TRIM67: variants seen among roughly 807,000 people sequenced by gnomAD.
The protein encoded by TRIM67 is tripartite motif containing 67, also known as tripartite motif-containing protein 67.
TRIM67 carries 39 observed loss-of-function variants against 71.0 expected under a neutral mutation model. The ratio of observed to expected loss-of-function variants is 0.55; its 90% CI spans 0.43 to 0.72. The LOEUF (loss-of-function observed/expected upper bound fraction) is 0.72, where lower values mean the gene tolerates loss of function less well. TRIM67 is among the 30% of genes least tolerant of loss of function. The pLI is 0.00. For synonymous variants in TRIM67, 481 were observed against 473.9 expected, an observed-to-expected ratio of 1.01 and a Z score of -0.19; for missense variants, 973 against 1,079.2, an observed-to-expected ratio of 0.90 and a Z score of 1.38.
At position 231,219,587 on chromosome 1, in the gene TRIM67, C is replaced by A. The variant is rs1216307883; in HGVS notation, c.*4147C>A. The A allele has an allele frequency of 8.9e-7, 1 of 1,126,796 alleles. No individual in the cohort carries two copies. Among genetic ancestry groups the A allele is most frequent in the African/African-American group, 1.7e-5 (1 of 60,456 alleles). 69.8% of individuals were successfully genotyped at this position (1,126,796 alleles called of 1,614,324 possible). On this transcript the variant is annotated 3_prime_UTR_variant, in exon 10 of 10. Coordinates refer to ENST00000366653, the MANE Select transcript of TRIM67 (RefSeq NM_001004342.5). The stretch of plus-strand genomic sequence containing the variant: ...TTGAATTTTCACTCACTGAAGATGC[C>A]CCCTGCCCGCTCCCCACTTCCTAGA...
chr1:231,198,802 A>G (rs1338734526), intron 2 of TRIM67, among the ~76,000 whole-genome samples: 4 of 152,188 alleles, frequency 2.6e-5, no homozygotes, highest in Admixed American at 1.3e-4. Flanking sequence ...GCATTTTCTC[A>G]TGGCATTAAA....
At chr1:231,186,972 A>T (rs1683097175) in intron 1 of TRIM67, among the ~76,000 whole-genome samples, 1 of 152,094 alleles carries the variant, frequency 6.6e-6, no homozygotes, top group Non-Finnish European at 1.5e-5. Context: ...ACATCCCACG[A>T]CATCCACGGC....
rs369760003 is a variant in TRIM67 at position 231,209,074 on chromosome 1, C to T, written c.1947C>T (p.Gly649=). The change falls in exon 8 of 10, where the codon GGC becomes GGT. Residue 649 remains glycine (G), a synonymous_variant. Transcript: ENST00000366653. The surrounding 1 kb of genome is among the most constrained non-coding windows in gnomAD (Gnocchi z 4.1). ...TGGGCACAGCTGCGTTCTCCAAGGG[C>T]GTGCACTACTGGGAGCTGCACGTGG... ...VVLGTAAFSK[G]VHYWELHVDR... 179 of 1,613,976 alleles carry T rather than the reference C, an allele frequency of 1.1e-4. 6 individuals carry two copies. The East Asian group carries it at 1.2e-3, about 11-fold the overall frequency.
At position 231,215,375 on chromosome 1, in the gene TRIM67, G is replaced by A; in HGVS notation, c.2287G>A (p.Val763Ile). 1.2e-6 allele frequency: 2 copies of A among 1,612,510 alleles called. No individual in the cohort carries two copies. The highest frequency in any genetic ancestry group is 1.7e-5 in the Admixed American group (1 of 59,920). The change falls in exon 10 of 10, where the codon GTC becomes ATC. Residue 763 changes from valine (V) to isoleucine (I), a missense_variant and splice_region_variant. Physicochemically the swap from Val to Ile is conservative, Grantham distance 29 (BLOSUM62 3). Coordinates refer to ENST00000366653, the MANE Select transcript of TRIM67 (RefSeq NM_001004342.5). ...PALSLNRNVQ[V>I]TLHTGLEVPT... ...TCACTTGCCCTGTCTTCTTTTCCAG[G>A]TCACCCTGCACACAGGATTGGAAGT...
intron 1 of TRIM67, among the ~76,000 whole-genome samples, chr1:231,190,840 C>T (rs1683212635): frequency 6.6e-6 from 1 of 152,168 alleles, no homozygotes; most frequent in East Asian, 1.9e-4. Flanking sequence ...GTCTCCCTCT[C>T]AGGACCCTCC....
intron 4 of TRIM67, 125 bp downstream of exon 4, chr1:231,200,383 T>C: frequency 1.6e-6 from 1 of 632,670 alleles, no homozygotes; most frequent in Non-Finnish European, 2.9e-6. Context: ...CTTTGTTCAA[T>C]GATTCCAGAA....
In TRIM67 at chr1:231,199,010, C is replaced by T. The variant is rs371500422; in HGVS notation, c.1141-37C>T. 5 of 1,613,530 alleles carry T rather than the reference C, an allele frequency of 3.1e-6. 1 individual carries two copies. In the Middle Eastern group the frequency reaches 6.6e-4, roughly 213 times the overall value. ...ATTTTAGCATCTTCCCCCTAAAACT[C>T]TTTGCTTCTTCCCAACCAACCCCCA... On this transcript the variant is annotated intron_variant, in intron 2 of 9. Transcript: ENST00000366653.
chr1:231,203,905 A>G lies in TRIM67; in HGVS notation c.1573A>G (p.Thr525Ala), dbSNP rs776258215. Residue 525 changes from threonine to alanine, a missense_variant, in exon 6 of 10, where the codon ACC (threonine) becomes GCC (alanine). Physicochemically the swap from Thr to Ala is moderately conservative, Grantham distance 58. Transcript: ENST00000366653. ...CCTACTGCAGCTGGAGAAATGCTGC[A>G]CCCGTAACAACAGCGTCACGCTGGC... Reference protein sequence around the residue: ...VPLLQLEKCCTRNNSVTLAWR... With the variant: ...VPLLQLEKCCARNNSVTLAWR... 4 of 1,613,742 alleles carry G rather than the reference A, an allele frequency of 2.5e-6. No individual in the cohort carries two copies. Among genetic ancestry groups the G allele is most frequent in the Non-Finnish European group, 3.4e-6 (4 of 1,179,860 alleles).
rs1008551556 is a variant in TRIM67 at position 231,219,764 on chromosome 1, G to A, written c.*4324G>A. On this transcript the variant is annotated 3_prime_UTR_variant, in exon 10 of 10. Transcript: ENST00000366653. Reference sequence around the variant, plus strand: ...AAGATGGTGATGCTGGAAAATTTCAGGACTTTTCTTTTGCAAGTGAGCCGG... The same window carrying A: ...AAGATGGTGATGCTGGAAAATTTCAAGACTTTTCTTTTGCAAGTGAGCCGG... 1 of 1,208,146 alleles carries A rather than the reference G, an allele frequency of 8.3e-7. No individual in the cohort carries two copies. Among genetic ancestry groups the A allele is most frequent in the African/African-American group, 1.6e-5 (1 of 62,836 alleles). The allele number at this position is 1,208,146 out of a possible 1,614,324, so 74.8% of individuals were successfully genotyped here.
chr1:231,173,709 G>A (rs2102718065), intron 1 of TRIM67, among the ~76,000 whole-genome samples: 1 of 152,346 alleles, frequency 6.6e-6, no homozygotes, highest in Admixed American at 6.5e-5. Context: ...GAATTTAATA[G>A]TAAGTGCTAT....
At chr1:231,165,995 G>A (rs536519164) in intron 1 of TRIM67, among the ~76,000 whole-genome samples, 2 of 152,292 alleles carry the variant, frequency 1.3e-5, no homozygotes, top group South Asian at 4.1e-4. Flanking sequence ...TAGATAATGA[G>A]CTATGGTTTA....
chr1:231,193,511 T>G (rs1252083635), intron 1 of TRIM67, among the ~76,000 whole-genome samples: 3 of 131,902 alleles, frequency 2.3e-5, no homozygotes, highest in Admixed American at 1.4e-4. Flanking sequence ...AAGCTCTCTC[T>G]CTCTCTCTCT....
intron 4 of TRIM67, among the ~76,000 whole-genome samples, chr1:231,201,015 G>GC (rs888448881): frequency 2.6e-5 from 4 of 152,080 alleles, no homozygotes; most frequent in Admixed American, 1.3e-4. Flanking sequence ...GCTTCACTTT[G>GC]CAAAGTACTA....
At position 231,220,449 on chromosome 1, in the gene TRIM67, C is replaced by G. The variant is rs1684114504; in HGVS notation, c.*5009C>G. 6.5e-6 allele frequency: 1 copy of G among 154,148 alleles called. No homozygotes were observed. Among genetic ancestry groups the G allele is most frequent in the Admixed American group, 6.4e-5 (1 of 15,572 alleles). The allele number at this position is 154,148 out of a possible 1,614,324, so 9.5% of individuals were successfully genotyped here. On this transcript the variant is annotated 3_prime_UTR_variant, in exon 10 of 10. Coordinates refer to ENST00000366653, the MANE Select transcript of TRIM67 (RefSeq NM_001004342.5). The stretch of plus-strand genomic sequence containing the variant: ...AACCAAGGAAGGACACTAACCCAGG[C>G]CTCTGCCTTCTTTGTTACCTAAGTT...
At chr1:231,167,317 G>GTTTTTTTTTTTT (rs1340006817) in intron 1 of TRIM67, among the ~76,000 whole-genome samples, 3 of 66,770 alleles carry the variant, frequency 4.5e-5, no homozygotes, top group East Asian at 4.5e-4. Context: ...TCACTCTAAT[G>GTTTTTTTTTTTT]TCTTTTTTTT....
chr1:231,182,234 G>A (rs1199403355), intron 1 of TRIM67, among the ~76,000 whole-genome samples: 2 of 152,104 alleles, frequency 1.3e-5, no homozygotes, highest in South Asian at 4.1e-4. Flanking sequence ...TACACTGGTA[G>A]CCCACGCAAA....
At chr1:231,185,891 T>G (rs1683059982) in intron 1 of TRIM67, among the ~76,000 whole-genome samples, 1 of 151,550 alleles carries the variant, frequency 6.6e-6, no homozygotes, top group Non-Finnish European at 1.5e-5. Context: ...AAAGGAGGAT[T>G]TGAGTTGGAC....
chr1:231,177,898 A>G (rs1437769582), intron 1 of TRIM67, among the ~76,000 whole-genome samples: 1 of 152,258 alleles, frequency 6.6e-6, no homozygotes, highest in East Asian at 1.9e-4. Context: ...TAATAAATGA[A>G]TAGGACTTAA....
Position 231,199,264 on chromosome 1 carries a change from C to CT in TRIM67, c.1263+96dup. The stretch of plus-strand genomic sequence containing the variant: ...AGAGTAGGCACTGGGGAAATAACAG[C>CT]TAAGTGAGTGAATGAATGAGCTAAT... On this transcript the variant is annotated intron_variant, in intron 3 of 9. Transcript: ENST00000366653. 3.3e-6 allele frequency: 4 copies of CT among 1,199,680 alleles called. No individual in the cohort carries two copies. In the Admixed American group the frequency reaches 7.0e-5, roughly 21 times the overall value. 74.3% of individuals were successfully genotyped at this position (1,199,680 alleles called of 1,614,324 possible). A position where few individuals can be genotyped will look rare whatever the true frequency, so the allele number is the denominator to read the frequency against.
Sources: gnomAD v4.1 joint callset for allele counts (sites outside exome capture counted in the v4.1 genomes callset) on GRCh38, gnomAD v4.1.1 for gene constraint, Gnocchi (gnomAD v3.1) non-coding constraint, MANE v1.5 for transcripts, NCBI Gene and HGNC (gene_info 2026-07-23, HGNC 2026-07-21) for gene names.